PTPRT: variants seen among roughly 807,000 people sequenced by gnomAD.
PTPRT encodes the protein protein tyrosine phosphatase receptor type T.
PTPRT carries 56 observed loss-of-function variants against 176.8 expected under a neutral mutation model. The observed-to-expected ratio is 0.32, with a 90% CI of 0.26 to 0.40. PTPRT has a LOEUF of 0.40. Ranked by LOEUF, PTPRT falls within the 10% of genes least tolerant of loss-of-function variation. The probability of loss-of-function intolerance (pLI) is 1.00; values close to 1 mark genes in which losing one functional copy is unlikely to be tolerated. For synonymous variants in PTPRT, 783 were observed against 739.0 expected (o/e 1.06, Z -0.96); for missense variants, 1,540 against 1,908.2 (o/e 0.81, Z 3.60).
chr20:42,236,285 A>T lies in PTPRT; in HGVS notation c.2313-27T>A, dbSNP rs768667697. ...TATATATTGATGGGCAGTCAGATGA[A>T]GGAAATGTCCAAAATGGGGGAAAAA... is the stretch of plus-strand genomic sequence containing the variant. On this transcript the variant is annotated intron_variant, in intron 14 of 30. Transcript: ENST00000373187. 1.2e-5 allele frequency: 19 copies of T among 1,551,852 alleles called. No homozygotes were observed. In the South Asian group the frequency reaches 2.1e-4, roughly 17 times the overall value.
At chr20:42,883,897 TACACACAC>T (rs757354228) in intron 2 of PTPRT, among the ~76,000 whole-genome samples, 1 of 114,616 alleles carries the variant, frequency 8.7e-6, no homozygotes, top group African/African-American at 3.5e-5. Context: ...TACACCCCCA[TACACACAC>T]ACACACACAC....
At chr20:42,195,713 G>C (rs537939689) in intron 16 of PTPRT, among the ~76,000 whole-genome samples, 1 of 152,128 alleles carries the variant, frequency 6.6e-6, no homozygotes, top group Admixed American at 6.5e-5. Context: ...TTGTTATGAT[G>C]AATGCATATA....
At chr20:42,136,668 C>A (rs1988395277) in intron 18 of PTPRT, among the ~76,000 whole-genome samples, 1 of 152,172 alleles carries the variant, frequency 6.6e-6, no homozygotes, top group Non-Finnish European at 1.5e-5. Flanking sequence ...GGATGCCATC[C>A]AGGCACTGCC....
At chr20:42,333,339 C>G (rs564033415) in intron 11 of PTPRT, among the ~76,000 whole-genome samples, 1 of 151,976 alleles carries the variant, frequency 6.6e-6, no homozygotes. Context: ...TATGTATAGG[C>G]TTAGTTTTTT....
downstream of PTPRT, among the ~76,000 whole-genome samples, chr20:42,069,408 CTG>C (rs1982225723): frequency 6.6e-6 from 1 of 152,144 alleles, no homozygotes; most frequent in South Asian, 2.1e-4. Context: ...GACTAACTGA[CTG>C]TGTTCCCCTT....
At chr20:42,172,143 G>C (rs1221294069) in intron 16 of PTPRT, among the ~76,000 whole-genome samples, 1 of 152,076 alleles carries the variant, frequency 6.6e-6, no homozygotes, top group African/African-American at 2.4e-5. Context: ...GGATAGGTGG[G>C]TTTGAAAAAT....
At position 42,080,482 on chromosome 20, in the gene PTPRT, C is replaced by T. The variant is rs1338462820; in HGVS notation, c.*397G>A. ...CGTAGAGGAGCAGAACACACATCTC[C>T]TCCACTCCTAAGGAGAAGGAGGGCA... On this transcript the variant is annotated 3_prime_UTR_variant, in exon 31 of 31. Coordinates refer to ENST00000373187, the MANE Select transcript of PTPRT (RefSeq NM_007050.6). The T allele has an allele frequency of 7.8e-6, 2 of 254,910 alleles. No homozygotes were observed. The highest frequency in any genetic ancestry group is 5.9e-5 in the East Asian group (1 of 17,012). The allele number at this position is 254,910 out of a possible 1,614,324, so 15.8% of individuals were successfully genotyped here.
At chr20:43,080,265 C>G (rs534721820) in intron 1 of PTPRT, among the ~76,000 whole-genome samples, 90 of 152,296 alleles carry the variant, frequency 5.9e-4, no homozygotes, top group African/African-American at 2.1e-3. Context: ...CACCACATCC[C>G]AGGCAGGGGC....
chr20:42,297,766 G>A (rs911803001), intron 12 of PTPRT, among the ~76,000 whole-genome samples: 1 of 151,838 alleles, frequency 6.6e-6, no homozygotes, highest in African/African-American at 2.4e-5. Context: ...CAAATTATCG[G>A]GACAAAAATG....
At chr20:42,238,636 G>A (rs1033867390) in intron 14 of PTPRT, among the ~76,000 whole-genome samples, 1 of 152,228 alleles carries the variant, frequency 6.6e-6, no homozygotes, top group Non-Finnish European at 1.5e-5. Context: ...CAAGAACACT[G>A]AGCTGAGAAT....
intron 7 of PTPRT, among the ~76,000 whole-genome samples, chr20:42,516,073 G>C (rs1290307373): frequency 7.4e-6 from 1 of 136,016 alleles, no homozygotes; most frequent in Non-Finnish European, 1.6e-5. Flanking sequence ...ATGGACACAG[G>C]AGGGGGAATA....
the PTPRT span, among the ~76,000 whole-genome samples, chr20:42,057,811 C>G: frequency 6.6e-6 from 1 of 152,012 alleles, no homozygotes; most frequent in Non-Finnish European, 1.5e-5. Context: ...ACTCCTGGGC[C>G]CAAGTGATCC....
At chr20:43,018,682 T>A (rs747385435) in intron 1 of PTPRT, among the ~76,000 whole-genome samples, 12 of 152,112 alleles carry the variant, frequency 7.9e-5, no homozygotes, top group Non-Finnish European at 1.6e-4. Context: ...ACAGAAAATA[T>A]GAACAAAAGA....
intron 15 of PTPRT, among the ~76,000 whole-genome samples, chr20:42,200,096 A>T (rs1433475041): frequency 6.7e-6 from 1 of 149,440 alleles, no homozygotes; most frequent in Non-Finnish European, 1.5e-5. Flanking sequence ...GCTCAGGATC[A>T]TTGAAGTAGG....
In PTPRT at chr20:42,780,252, G is replaced by T; in HGVS notation, c.534C>A (p.Ala178=). The change falls in exon 4 of 31, where the codon GCC becomes GCA. Residue 178 remains alanine (A), a synonymous_variant. Transcript: ENST00000373187. ...GAGCAAGGACCCGGACCTCGTCCAC[G>T]GCGATGTAGCCAGGATGACCCTTCA... is the stretch of plus-strand genomic sequence containing the variant. The part of the protein sequence containing the change: ...VSLKGHPGYI[A]VDEVRVLAHP... The T allele has an allele frequency of 6.2e-7, 1 of 1,614,018 alleles. No homozygotes were observed. The highest frequency in any genetic ancestry group is 1.1e-5 in the South Asian group (1 of 91,072).
At position 42,873,584 on chromosome 20, in the gene PTPRT, A is replaced by AACC. The variant is rs776699880; in HGVS notation, c.214+12222_214+12223insGGT. ...TAAAAAGGTAAAAAAGAAATGGGTT[A>AACC]CTTTTAATAATTTATCTAACCCAAT... On this transcript the variant is annotated intron_variant, in intron 2 of 30. Transcript: ENST00000373187. Among the ~76,000 whole-genome samples the AACC allele has an allele frequency of 3.0e-3, 451 of 152,364 alleles. 2 individuals are homozygous for AACC. The highest frequency in any genetic ancestry group is 5.0e-3 in the Non-Finnish European group (343 of 68,034).
intron 1 of PTPRT, among the ~76,000 whole-genome samples, chr20:43,109,372 A>G (rs1453606513): frequency 6.6e-6 from 1 of 152,112 alleles, no homozygotes; most frequent in Non-Finnish European, 1.5e-5. Flanking sequence ...AGATACAAAG[A>G]TCACAAACAC....
chr20:42,631,375 A>G (rs1376694363), intron 7 of PTPRT, among the ~76,000 whole-genome samples: 3 of 151,720 alleles, frequency 2.0e-5, no homozygotes, highest in Admixed American at 6.6e-5. Flanking sequence ...TTTTAGAAGT[A>G]ACAAAATGAT....
chr20:43,004,802 C>T (rs1984768837), intron 1 of PTPRT, among the ~76,000 whole-genome samples: 1 of 152,102 alleles, frequency 6.6e-6, no homozygotes, highest in African/African-American at 2.4e-5. Flanking sequence ...ATATCAATAG[C>T]AGAATAAAAT....
Sources: allele counts gnomAD v4.1 joint callset (sites outside exome capture counted in the v4.1 genomes callset), GRCh38; gene constraint gnomAD v4.1.1; transcripts MANE v1.5; gene names NCBI Gene and HGNC (gene_info 2026-07-23, HGNC 2026-07-21).